SHOX: variants seen among roughly 807,000 people sequenced by gnomAD.
The protein encoded by SHOX is short stature homeobox protein.
A neutral mutation model predicts 29.6 loss-of-function variants in SHOX; 12 were observed. The ratio of observed to expected loss-of-function variants is 0.41; its 90% CI spans 0.26 to 0.66. The LOEUF (loss-of-function observed/expected upper bound fraction) is 0.66, where lower values mean the gene tolerates loss of function less well. Ranked by LOEUF, SHOX falls within the 30% of genes least tolerant of loss-of-function variation. The pLI is 0.35. For missense variants in SHOX, 499 were observed against 437.7 expected, an observed-to-expected ratio of 1.14 and a Z score of -1.25; for synonymous variants, 214 against 200.6, an observed-to-expected ratio of 1.07 and a Z score of -0.57.
At position 644,705 on chromosome X, in the gene SHOX, G is replaced by A; in HGVS notation, c.*69G>A. On this transcript the variant is annotated 3_prime_UTR_variant, in exon 5 of 5. Transcript: ENST00000686671. The stretch of plus-strand genomic sequence containing the variant: ...GCACCCCGCCTGCACCGCGCGTCCT[G>A]CACTCAACCCCGCCTGGAGCTCCTT... The A allele has an allele frequency of 7.4e-7, 1 of 1,356,486 alleles. No homozygotes were observed. Among genetic ancestry groups the A allele is most frequent in the East Asian group, 3.1e-5 (1 of 32,414 alleles). The allele number at this position is 1,356,486 out of a possible 1,614,324, so 84.0% of individuals were successfully genotyped here. A position where few individuals can be genotyped will look rare whatever the true frequency, so the allele number is the denominator to read the frequency against.
Position 644,475 on chromosome X carries a change from A to T in SHOX, c.718A>T (p.Met240Leu), listed in dbSNP as rs1227869922. The change falls in exon 5 of 5, where the codon ATG becomes TTG. Residue 240 changes from methionine (M) to leucine (L), a missense_variant. Met to Leu is a conservative substitution (Grantham distance 15). Coordinates refer to ENST00000686671, the MANE Select transcript of SHOX (RefSeq NM_000451.4). The part of the protein sequence containing the change: ...PHLAAHAPYL[M>L]FPPPPFGLPI... ...CCTGGCGGCGCACGCGCCCTACCTG[A>T]TGTTCCCCCCGCCGCCCTTCGGGCT... 6.6e-7 allele frequency: 1 copy of T among 1,523,816 alleles called. No homozygotes were observed. The highest frequency in any genetic ancestry group is 8.7e-7 in the Non-Finnish European group (1 of 1,143,048). The allele number at this position is 1,523,816 out of a possible 1,614,324, so 94.4% of individuals were successfully genotyped here.
upstream of SHOX, among the ~76,000 whole-genome samples, chrX:628,647 C>G (rs1178884637): frequency 7.2e-4 from 12 of 16,562 alleles, no homozygotes; most frequent in African/African-American, 2.9e-3. Context: ...CTCTCCATCT[C>G]TCTCTGTCTC....
intron 4 of SHOX, among the ~76,000 whole-genome samples, chrX:643,525 G>A (rs1695510660): frequency 6.9e-6 from 1 of 144,232 alleles, no homozygotes; most frequent in African/African-American, 2.6e-5. Flanking sequence ...TTGGGGACCT[G>A]GTGTCTCGGG....
chrX:632,167 G>C (rs1380704322), intron 1 of SHOX, among the ~76,000 whole-genome samples: 1 of 152,254 alleles, frequency 6.6e-6, no homozygotes, highest in Admixed American at 6.5e-5. Context: ...GAGGGGCCCC[G>C]GGGAAGCTGG....
At chrX:626,844 C>G (rs1253019779), upstream of SHOX, among the ~76,000 whole-genome samples, 19 of 151,304 alleles carry the variant, frequency 1.3e-4, no homozygotes, top group African/African-American at 4.6e-4. Flanking sequence ...TTTTCTGTCT[C>G]TGTCTCTCTG....
At chrX:652,144 C>T (rs1489581765), downstream of SHOX, among the ~76,000 whole-genome samples, 1 of 152,014 alleles carries the variant, frequency 6.6e-6, no homozygotes, top group Non-Finnish European at 1.5e-5. Flanking sequence ...AGGCTGGTCT[C>T]GAACTCCTGA....
chrX:642,291 G>C (rs1452014167), intron 4 of SHOX, among the ~76,000 whole-genome samples: 3 of 150,932 alleles, frequency 2.0e-5, no homozygotes, highest in Admixed American at 6.6e-5. Context: ...TGCGCGGGCG[G>C]AACGGGCTTG....
At position 651,004 on chromosome X, in the gene SHOX, G is replaced by A. The variant is rs2053051535; in HGVS notation, c.*6368G>A. The stretch of plus-strand genomic sequence containing the variant: ...ATGAAATGTGCTATTTATTGAAAGG[G>A]GATGTGGCTTCACGAGTTCAGCCCA... On this transcript the variant is annotated 3_prime_UTR_variant, in exon 5 of 5. Coordinates refer to ENST00000686671, the MANE Select transcript of SHOX (RefSeq NM_000451.4). 6.6e-6 allele frequency among the ~76,000 whole-genome samples: 1 copy of A among 152,030 alleles called. No individual in the cohort carries two copies. Among genetic ancestry groups the A allele is most frequent in the South Asian group, 2.1e-4 (1 of 4,824 alleles).
Position 644,535 on chromosome X carries a change from G to T in SHOX, c.778G>T (p.Ala260Ser), listed in dbSNP as rs1175018131. ...GTCGCTGGCCGAGTCCGCCTCGGCC[G>T]CCGCCGTGGTCGCCGCCGCCGCCAA... is the stretch of plus-strand genomic sequence containing the variant. ...IASLAESASA[A>S]AVVAAAAKSN... Residue 260 changes from alanine to serine, a missense_variant, in exon 5 of 5, where the codon GCC becomes TCC. Ala to Ser is a moderately conservative substitution (Grantham distance 99). Transcript: ENST00000686671. 6.6e-7 allele frequency: 1 copy of T among 1,517,166 alleles called. No individual in the cohort carries two copies. The highest frequency in any genetic ancestry group is 8.8e-7 in the Non-Finnish European group (1 of 1,139,250). The allele number at this position is 1,517,166 out of a possible 1,614,324, so 94.0% of individuals were successfully genotyped here.
upstream of SHOX, among the ~76,000 whole-genome samples, chrX:627,891 A>G (rs2052566899): frequency 6.6e-6 from 1 of 152,170 alleles, no homozygotes; most frequent in Non-Finnish European, 1.5e-5. Context: ...GTAGGGAGAC[A>G]GTGAGCAGCT....
chrX:639,846 C>T (rs972834043), intron 2 of SHOX, among the ~76,000 whole-genome samples: 4 of 138,160 alleles, frequency 2.9e-5, no homozygotes, highest in African/African-American at 5.4e-5. Flanking sequence ...TACTAAAATA[C>T]GAAAATTAGC....
intron 2 of SHOX, among the ~76,000 whole-genome samples, chrX:640,592 C>CAATAA (rs753739901): frequency 7.9e-5 from 12 of 152,168 alleles, no homozygotes; most frequent in Admixed American, 3.3e-4. Context: ...ACCACCACCA[C>CAATAA]AACAAAACAA....
At chrX:643,698 G>T (rs1330690803) in intron 4 of SHOX, among the ~76,000 whole-genome samples, 1 of 124,028 alleles carries the variant, frequency 8.1e-6, no homozygotes. Context: ...CTGGTGACCC[G>T]GGAGAGGCTT....
In SHOX at chrX:644,666, C is replaced by A; in HGVS notation, c.*30C>A. 1 of 1,408,012 alleles carries A rather than the reference C, an allele frequency of 7.1e-7. No homozygotes were observed. The highest frequency in any genetic ancestry group is 1.5e-5 in the South Asian group (1 of 64,532). 87.2% of individuals were successfully genotyped at this position (1,408,012 alleles called of 1,614,324 possible). A position where few individuals can be genotyped will look rare whatever the true frequency, so the allele number is the denominator to read the frequency against. On this transcript the variant is annotated 3_prime_UTR_variant, in exon 5 of 5. Transcript: ENST00000686671. ...CCGCGCAGCCCCCCGCGCGCCCGGA[C>A]TCCCGGGCTCCGCGCACCCCGCCTG... is the stretch of plus-strand genomic sequence containing the variant.
Position 636,708 on chromosome X carries a change from A to ATATACATATAAAAATATATATATATT in SHOX, c.486+1882_486+1883insTATACATATAAAAATATATATATATT, listed in dbSNP as rs1396754337. ...ATATATATACATAAAATATATATAT[A>ATATACATATAAAAATATATATATATT]AACATATATATACATAAAATATATA... is the stretch of plus-strand genomic sequence containing the variant. On this transcript the variant is annotated intron_variant, in intron 2 of 4. Transcript: ENST00000686671. Among the ~76,000 whole-genome samples the ATATACATATAAAAATATATATATATT allele has an allele frequency of 6.7e-4, 8 of 11,908 alleles. 3 individuals are homozygous for ATATACATATAAAAATATATATATATT. The highest frequency in any genetic ancestry group is 6.7e-3 in the African/African-American group (8 of 1,198). The allele number at this position is 11,908 out of a possible 152,430, so 7.8% of individuals were successfully genotyped here. A position where few individuals can be genotyped will look rare whatever the true frequency, so the allele number is the denominator to read the frequency against.
rs181217806 is a variant in SHOX, at chrX:639,322, G to A, written c.487-1499G>A. 3.4e-3 allele frequency among the ~76,000 whole-genome samples: 518 copies of A among 152,320 alleles called. 10 individuals are homozygous for A. Among genetic ancestry groups the A allele is most frequent in the Admixed American group, 4.0e-3 (61 of 15,302 alleles). On this transcript the variant is annotated intron_variant, in intron 2 of 4. Coordinates refer to ENST00000686671, the MANE Select transcript of SHOX (RefSeq NM_000451.4). ...TTGGTCATGAATGGGACCCTTTCAT[G>A]TATGGGGACCCTTGGTAATATGAAT...
rs1414040197 is a variant in SHOX, at chrX:649,964, G to C, written c.*5328G>C. ...AAGCACCCACAGGGAGAAGGAATTG[G>C]ATGTATCGGATGTTGCTATTAGATT... On this transcript the variant is annotated 3_prime_UTR_variant, in exon 5 of 5. Coordinates refer to ENST00000686671, the MANE Select transcript of SHOX (RefSeq NM_000451.4). 2.2e-6 allele frequency: 1 copy of C among 456,044 alleles called. No individual in the cohort carries two copies. Among genetic ancestry groups the C allele is most frequent in the Admixed American group, 2.3e-5 (1 of 42,568 alleles). The allele number at this position is 456,044 out of a possible 1,614,324, so 28.2% of individuals were successfully genotyped here.
At chrX:637,024 T>A (rs2052772827) in intron 2 of SHOX, among the ~76,000 whole-genome samples, 1 of 150,598 alleles carries the variant, frequency 6.6e-6, no homozygotes, top group African/African-American at 2.5e-5. Context: ...TTAAAAGGCT[T>A]CCCTAAGATC....
At position 645,992 on chromosome X, in the gene SHOX, G is replaced by A. The variant is rs761300835; in HGVS notation, c.*1356G>A. ...GCTCACTGCCACCTCCGCCTCCCGG[G>A]TTCAAGCGATGCTCCTGCCTCAGCC... On this transcript the variant is annotated 3_prime_UTR_variant, in exon 5 of 5. Transcript: ENST00000686671. 6.6e-6 allele frequency: 1 copy of A among 152,304 alleles called. No homozygotes were observed. The highest frequency in any genetic ancestry group is 1.5e-5 in the Non-Finnish European group (1 of 68,066). 9.4% of individuals were successfully genotyped at this position (152,304 alleles called of 1,614,324 possible).
Sources: allele counts gnomAD v4.1 joint callset (sites outside exome capture counted in the v4.1 genomes callset), GRCh38; gene constraint gnomAD v4.1.1; transcripts MANE v1.5; gene names NCBI Gene and HGNC (gene_info 2026-07-23, HGNC 2026-07-21).